The following SPATS2L variants were observed in gnomAD, a reference collection of about 807,000 sequenced individuals.
SPATS2L encodes SPATS2-like protein.
A neutral mutation model predicts 59.6 loss-of-function variants in SPATS2L; 30 were observed. The ratio of observed to expected loss-of-function variants is 0.50; its 90% CI spans 0.38 to 0.68. The LOEUF (loss-of-function observed/expected upper bound fraction) is 0.68. SPATS2L is among the 30% of genes least tolerant of loss of function. The pLI is 0.00. For missense variants in SPATS2L, 615 were observed against 700.0 expected (o/e 0.88, Z 1.37); for synonymous variants, 252 against 263.5 (o/e 0.96, Z 0.42).
At chr2:200,354,824 T>C (rs1296039361) in intron 2 of SPATS2L, among the ~76,000 whole-genome samples, 6 of 152,146 alleles carry the variant, frequency 3.9e-5, no homozygotes, top group Non-Finnish European at 7.4e-5. Flanking sequence ...CATCAGAAAA[T>C]ATTTTTCGAT....
intron 10 of SPATS2L, 82 bp downstream of exon 10, chr2:200,467,481 G>C: frequency 1.1e-6 from 1 of 949,362 alleles, no homozygotes; most frequent in Non-Finnish European, 1.7e-6. Flanking sequence ...ACAGAGTTCT[G>C]CTCTCTGAGG....
intron 8 of SPATS2L, among the ~76,000 whole-genome samples, chr2:200,454,943 G>A (rs796791359): frequency 2.2e-4 from 33 of 152,324 alleles, no homozygotes; most frequent in African/African-American, 7.9e-4. Context: ...CATTTCAGAT[G>A]ATCAGTGGTG....
At chr2:200,335,035 T>C (rs1394091213) in intron 2 of SPATS2L, among the ~76,000 whole-genome samples, 4 of 152,204 alleles carry the variant, frequency 2.6e-5, no homozygotes, top group South Asian at 2.1e-4. Flanking sequence ...AGTAGTTTTT[T>C]CCAATTCTGT....
upstream of SPATS2L, chr2:200,305,997 C>T: frequency 1.0e-6 from 1 of 981,220 alleles, no homozygotes; most frequent in South Asian, 4.7e-5. Context: ...CAGAAACCCA[C>T]GGCTGAAGCC....
chr2:200,388,873 G>C (rs1449613621), intron 2 of SPATS2L, among the ~76,000 whole-genome samples: 3 of 152,186 alleles, frequency 2.0e-5, no homozygotes, highest in African/African-American at 7.2e-5. Flanking sequence ...AGTGAGGACT[G>C]TGATGACAAT....
At chr2:200,322,803 A>T (rs1018889168) in intron 1 of SPATS2L, among the ~76,000 whole-genome samples, 7 of 152,186 alleles carry the variant, frequency 4.6e-5, no homozygotes, top group African/African-American at 1.4e-4. Flanking sequence ...TTCAATTCTT[A>T]GTAAAAATGG....
At chr2:200,453,753 G>A (rs2085633171) in intron 8 of SPATS2L, among the ~76,000 whole-genome samples, 1 of 152,154 alleles carries the variant, frequency 6.6e-6, no homozygotes, top group African/African-American at 2.4e-5. Context: ...ATTAAGAAGC[G>A]GCAGAGCCCA....
intron 2 of SPATS2L, among the ~76,000 whole-genome samples, chr2:200,350,857 C>T (rs1007050685): frequency 1.3e-5 from 2 of 152,002 alleles, no homozygotes; most frequent in Non-Finnish European, 2.9e-5. Context: ...TTAAGTAGAC[C>T]TAAAATCCTG....
intron 8 of SPATS2L, among the ~76,000 whole-genome samples, chr2:200,453,414 A>G (rs544037821): frequency 8.5e-5 from 13 of 152,380 alleles, no homozygotes; most frequent in African/African-American, 2.9e-4. Flanking sequence ...AGAAATTGCA[A>G]TTGAGAAATT....
chr2:200,427,142 T>C (rs1047437379), intron 6 of SPATS2L, among the ~76,000 whole-genome samples: 6 of 152,186 alleles, frequency 3.9e-5, no homozygotes, highest in Non-Finnish European at 5.9e-5. Flanking sequence ...ACAAATGGAC[T>C]TAATTAAATG....
At chr2:200,318,512 T>G (rs938949619) in intron 1 of SPATS2L, among the ~76,000 whole-genome samples, 2 of 152,232 alleles carry the variant, frequency 1.3e-5, no homozygotes, top group African/African-American at 4.8e-5. Flanking sequence ...AACTCATTCA[T>G]TGTTCTGGTA....
At chr2:200,447,869 G>A (rs2085152705) in intron 8 of SPATS2L, among the ~76,000 whole-genome samples, 1 of 152,140 alleles carries the variant, frequency 6.6e-6, no homozygotes, top group Non-Finnish European at 1.5e-5. Flanking sequence ...TTAATTATCA[G>A]GAATGTGTTA....
intron 3 of SPATS2L, among the ~76,000 whole-genome samples, chr2:200,402,290 T>G (rs2082552570): frequency 6.6e-6 from 1 of 152,206 alleles, no homozygotes; most frequent in Non-Finnish European, 1.5e-5. Context: ...AGCCTCAAAA[T>G]TATAAGTCTT....
intron 1 of SPATS2L, among the ~76,000 whole-genome samples, chr2:200,326,901 ATTTTTTTTT>A (rs755351538): frequency 1.0e-5 from 1 of 99,074 alleles, no homozygotes; most frequent in Non-Finnish European, 1.9e-5. Flanking sequence ...TGCCCGGCTA[ATTTTTTTTT>A]TTTTTTTTTT....
At position 200,417,307 on chromosome 2, in the gene SPATS2L, C is replaced by T. The variant is rs146810533; in HGVS notation, c.198+879C>T. On this transcript the variant is annotated intron_variant, in intron 5 of 12. Coordinates refer to ENST00000409140, the MANE Select transcript of SPATS2L (RefSeq NM_001100423.2). ...CTGAAATTACAGGAATCATCCTTTC[C>T]GTTTTTCTCCTCCTAGTTTCATGTA... Among the ~76,000 whole-genome samples the T allele has an allele frequency of 3.2e-3, 482 of 152,164 alleles. 1 individual carries two copies. Among genetic ancestry groups the T allele is most frequent in the African/African-American group, 0.011 (459 of 41,502 alleles).
chr2:200,358,995 A>G (rs1427787454), intron 2 of SPATS2L, among the ~76,000 whole-genome samples: 4 of 406 alleles, frequency 9.9e-3, no homozygotes, highest in Non-Finnish European at 0.056. Flanking sequence ...CTGACTCTTA[A>G]AAAAAAAAAT....
intron 8 of SPATS2L, among the ~76,000 whole-genome samples, chr2:200,455,097 A>C (rs115770141): frequency 0.022 from 3,288 of 152,310 alleles, 57 homozygotes; most frequent in Middle Eastern, 0.034. Context: ...CAGTGACCAA[A>C]AGTTTTGCAT....
At chr2:200,406,820 AT>A (rs2082703265) in intron 3 of SPATS2L, among the ~76,000 whole-genome samples, 3 of 152,200 alleles carry the variant, frequency 2.0e-5, no homozygotes, top group African/African-American at 7.2e-5. Context: ...CATAGTAGAC[AT>A]TTAGTAAATA....
At chr2:200,311,173 G>A (rs927274424) in intron 1 of SPATS2L, among the ~76,000 whole-genome samples, 1 of 152,208 alleles carries the variant, frequency 6.6e-6, no homozygotes, top group African/African-American at 2.4e-5. Context: ...CTAACTCATA[G>A]CCTGACACAT....
Sources: gnomAD v4.1 joint callset for allele counts (sites outside exome capture counted in the v4.1 genomes callset) on GRCh38, gnomAD v4.1.1 for gene constraint, MANE v1.5 for transcripts, NCBI Gene and HGNC (gene_info 2026-07-23, HGNC 2026-07-21) for gene names.